Variants in CD70 observed in about 807,000 individuals in gnomAD.
CD70 encodes CD70 molecule.
CD70 carries 6 observed loss-of-function variants against 9.0 expected under a neutral mutation model. The observed-to-expected ratio is 0.67, with a 90% confidence interval of 0.37 to 1.32. CD70 has a LOEUF of 1.32. Ranked by LOEUF, CD70 falls within the 40% of genes most tolerant of loss-of-function variation. The pLI is 0.02. For missense variants in CD70, 235 were observed against 258.7 expected (o/e 0.91, Z 0.63); for synonymous variants, 108 against 112.3 (o/e 0.96, Z 0.24).
chr19:6,586,518 G>T, intron 2 of CD70, 113 bp from the exon 3 acceptor site: 1 of 1,176,666 alleles, frequency 8.5e-7, no homozygotes, highest in Non-Finnish European at 1.2e-6. Flanking sequence ...CAAGGAATAG[G>T]TTGGACGTGG....
At chr19:6,589,957 T>C (rs906590303) in intron 2 of CD70, 146 bp downstream of exon 2, 7 of 613,080 alleles carry the variant, frequency 1.1e-5, no homozygotes, top group African/African-American at 1.9e-5. Flanking sequence ...CCCTCTCCGT[T>C]TCCCTCCCTA....
At position 6,590,912 on chromosome 19, in the gene CD70, C is replaced by T. The variant is rs1423211316; in HGVS notation, c.91G>A (p.Val31Met). Reference protein sequence around the residue: ...AALVPLVAGLVICLVVCIQRF... With the variant: ...AALVPLVAGLMICLVVCIQRF... Reference sequence around the variant, plus strand: ...TGGATGCACACCACGAGGCAGATCACCAAGCCCGCGACCAATGGGACCAAA... The same window carrying T: ...TGGATGCACACCACGAGGCAGATCATCAAGCCCGCGACCAATGGGACCAAA... Residue 31 changes from valine (V) to methionine (M), a missense_variant, in exon 1 of 3, where the codon GTG becomes ATG. Coordinates refer to ENST00000245903, the MANE Select transcript of CD70 (RefSeq NM_001252.5). This position sits in a 1 kb window ranked among gnomAD's most constrained non-coding sequence, Gnocchi z 5.3. 6.2e-7 allele frequency: 1 copy of T among 1,614,006 alleles called. No homozygotes were observed. Among genetic ancestry groups the T allele is most frequent in the Non-Finnish European group, 8.5e-7 (1 of 1,180,020 alleles).
intron 2 of CD70, among the ~76,000 whole-genome samples, chr19:6,589,306 T>C (rs1283301564): frequency 6.6e-6 from 1 of 151,594 alleles, no homozygotes; most frequent in Admixed American, 6.6e-5. Flanking sequence ...TTCCTTTCTC[T>C]CTCTCTCACC....
Position 6,585,894 on chromosome 19 carries a change from G to A in CD70, c.*126C>T, listed in dbSNP as rs1401368958. 4 of 642,058 alleles carry A rather than the reference G, an allele frequency of 6.2e-6. No homozygotes were observed. The South Asian group carries it at 6.6e-5, about 11-fold the overall frequency. 39.8% of individuals were successfully genotyped at this position (642,058 alleles called of 1,614,324 possible). A position where few individuals can be genotyped will look rare whatever the true frequency, so the allele number is the denominator to read the frequency against. On this transcript the variant is annotated 3_prime_UTR_variant, in exon 3 of 3. Transcript: ENST00000245903. The stretch of plus-strand genomic sequence containing the variant: ...AAGAAAAAGCTCAATGCCTTCTCTT[G>A]TCCTGCCACCACTACCCCCCACCAC...
At chr19:6,584,161 G>A (rs1028538459), downstream of CD70, among the ~76,000 whole-genome samples, 9 of 127,982 alleles carry the variant, frequency 7.0e-5, no homozygotes, top group African/African-American at 2.4e-4. Flanking sequence ...AAAAAAAAAA[G>A]ATGTGGTGTT....
chr19:6,584,927 G>T (rs1331309422), downstream of CD70, among the ~76,000 whole-genome samples: 1 of 152,048 alleles, frequency 6.6e-6, no homozygotes, highest in East Asian at 1.9e-4. Context: ...GACCTCAAGT[G>T]ATCTTTTATT....
chr19:6,588,282 A>C (rs1317786033), intron 2 of CD70, among the ~76,000 whole-genome samples: 2 of 151,890 alleles, frequency 1.3e-5, no homozygotes, highest in East Asian at 3.9e-4. Flanking sequence ...CACTGTCAAC[A>C]CCTGTGGCCA....
Position 6,586,189 on chromosome 19 carries a change from C to CGGGAG in CD70, c.408_412dup (p.Arg138ProfsTer23). Reference sequence around the variant, plus strand: ...GCTGAGACGCAGCAGGCTGATGCTACGGGAGGCGGGAGAGCAGATTCCCAC... The same window carrying CGGGAG: ...GCTGAGACGCAGCAGGCTGATGCTACGGGAGGGGAGGCGGGAGAGCAGATTCCCAC... On this transcript the variant is annotated frameshift_variant, in exon 3 of 3. Coordinates refer to ENST00000245903, the MANE Select transcript of CD70 (RefSeq NM_001252.5). LOFTEE classifies it low-confidence loss of function (END_TRUNC). 4 of 1,614,022 alleles carry CGGGAG rather than the reference C, an allele frequency of 2.5e-6. No individual in the cohort carries two copies. Among genetic ancestry groups the CGGGAG allele is most frequent in the Non-Finnish European group, 3.4e-6 (4 of 1,180,018 alleles).
Position 6,591,006 on chromosome 19 carries a change from C to A in CD70, c.-4G>T. On this transcript the variant is annotated 5_prime_UTR_variant, in exon 1 of 3. Transcript: ENST00000245903. ...AGCCCGAACCCTCCTCCGGCATCGC[C>A]GCGGCGATCACCTCCGCTAGCGCAG... 2 of 1,588,854 alleles carry A rather than the reference C, an allele frequency of 1.3e-6. No homozygotes were observed. Among genetic ancestry groups the A allele is most frequent in the East Asian group, 2.3e-5 (1 of 44,114 alleles).
intron 2 of CD70, among the ~76,000 whole-genome samples, chr19:6,587,311 TGAGA>T (rs1234282266): frequency 7.6e-6 from 1 of 131,402 alleles, no homozygotes; most frequent in Admixed American, 7.6e-5. Context: ...AGAGACAGCA[TGAGA>T]GAGAGAGCAA....
Position 6,590,783 on chromosome 19 carries a change from G to A in CD70, c.162+58C>T. On this transcript the variant is annotated intron_variant, in intron 1 of 2. Transcript: ENST00000245903. The surrounding 1 kb of genome is among the most constrained non-coding windows in gnomAD (Gnocchi z 5.3). ...GGCCTCTTTGTACCCATCTCATTCT[G>A]TCTTTTCGGTCACGCGCCTCTCTAT... 3.5e-6 allele frequency: 5 copies of A among 1,437,768 alleles called. No homozygotes were observed. The highest frequency in any genetic ancestry group is 4.9e-6 in the Non-Finnish European group (5 of 1,030,008). 89.1% of individuals were successfully genotyped at this position (1,437,768 alleles called of 1,614,324 possible). A position where few individuals can be genotyped will look rare whatever the true frequency, so the allele number is the denominator to read the frequency against.
downstream of CD70, among the ~76,000 whole-genome samples, chr19:6,584,044 C>T (rs553320637): frequency 1.7e-4 from 25 of 150,060 alleles, no homozygotes; most frequent in African/African-American, 5.9e-4. Context: ...CCGCCCACCT[C>T]GGCCTCCCAA....
rs527889438 is a variant in CD70, at chr19:6,588,391, G to C, written c.196+1712C>G. 5.9e-5 allele frequency among the ~76,000 whole-genome samples: 9 copies of C among 152,248 alleles called. No individual in the cohort carries two copies. The East Asian group carries it at 9.7e-4, about 16-fold the overall frequency. ...GAAAAATATGGCAAAGGCCGGGGAG[G>C]GGGGGAAGATATATCAGGGGTCAGA... On this transcript the variant is annotated intron_variant, in intron 2 of 2. Transcript: ENST00000245903.
intron 2 of CD70, among the ~76,000 whole-genome samples, chr19:6,589,261 T>TCTC (rs1916095277): frequency 8.9e-5 from 1 of 11,248 alleles, no homozygotes. Flanking sequence ...TTCTTTTCTT[T>TCTC]CTCTTATTTC....
At chr19:6,583,290 G>T (rs1294691510), downstream of CD70, 1 of 683,714 alleles carries the variant, frequency 1.5e-6, no homozygotes, top group South Asian at 1.5e-5. Flanking sequence ...AGTAACTTTG[G>T]ACAGATGACT....
In CD70 at chr19:6,586,370, C is replaced by T. The variant is rs749573582; in HGVS notation, c.232G>A (p.Gly78Ser). The change falls in exon 3 of 3, where the codon GGC (glycine) becomes AGC (serine). Residue 78 changes from glycine to serine, a missense_variant. Coordinates refer to ENST00000245903, the MANE Select transcript of CD70 (RefSeq NM_001252.5). The part of the protein sequence containing the change: ...QQDPRLYWQG[G>S]PALGRSFLHG... ...AGGAAGGAGCGGCCCAGTGCTGGGC[C>T]CCCCTGCCAGTATAGCCTGGGGTCC... The T allele has an allele frequency of 1.2e-6, 2 of 1,612,372 alleles. No individual in the cohort carries two copies. Among genetic ancestry groups the T allele is most frequent in the South Asian group, 1.1e-5 (1 of 90,996 alleles).
intron 2 of CD70, among the ~76,000 whole-genome samples, chr19:6,589,853 G>C (rs1216397359): frequency 1.6e-5 from 2 of 128,188 alleles, no homozygotes; most frequent in East Asian, 4.7e-4. Flanking sequence ...CTCCTGTCCC[G>C]TCTGTCCCCT....
In CD70 at chr19:6,586,056, A is replaced by G; in HGVS notation, c.546T>C (p.Asp182=). ...CCCACTGCACTCCAAAGAAGGTCTCATCAGTGTTTCGGGAAGGCAAAAGTG... is the reference window on the plus strand; with the variant it reads ...CCCACTGCACTCCAAAGAAGGTCTCGTCAGTGTTTCGGGAAGGCAAAAGTG... The part of the protein sequence containing the change: ...TGTLLPSRNT[D]ETFFGVQWVR... The change falls in exon 3 of 3, where the codon GAT becomes GAC. Residue 182 remains aspartate, a synonymous_variant. Coordinates refer to ENST00000245903, the MANE Select transcript of CD70 (RefSeq NM_001252.5). 4 of 1,614,046 alleles carry G rather than the reference A, an allele frequency of 2.5e-6. No homozygotes were observed. The highest frequency in any genetic ancestry group is 8.5e-7 in the Non-Finnish European group (1 of 1,179,906).
chr19:6,588,957 AG>A (rs755932867), intron 2 of CD70, among the ~76,000 whole-genome samples: 95 of 152,192 alleles, frequency 6.2e-4, no homozygotes, highest in Non-Finnish European at 1.1e-3. Flanking sequence ...GAATGGAGGA[AG>A]GGTAGCCTTT....
Sources: gnomAD v4.1 joint callset for allele counts (sites outside exome capture counted in the v4.1 genomes callset) on GRCh38, gnomAD v4.1.1 for gene constraint, Gnocchi (gnomAD v3.1) non-coding constraint, MANE v1.5 for transcripts, NCBI Gene and HGNC (gene_info 2026-07-23, HGNC 2026-07-21) for gene names.